The following SHANK2 variants were observed in gnomAD, a reference collection of about 807,000 sequenced individuals.
SHANK2 encodes SH3 and multiple ankyrin repeat domains 2.
Under a neutral mutation model 133.7 loss-of-function variants are expected in SHANK2, and 43 were observed. The ratio of observed to expected loss-of-function variants is 0.32; its 90% CI spans 0.25 to 0.41. The LOEUF (loss-of-function observed/expected upper bound fraction) is 0.41, where lower values mean the gene tolerates loss of function less well. Ranked by LOEUF, SHANK2 falls within the 10% of genes least tolerant of loss-of-function variation. The pLI is 1.00. For missense variants in SHANK2, 1,994 were observed against 2,235.8 expected (o/e 0.89, Z 2.18); for synonymous variants, 1,017 against 952.8 (o/e 1.07, Z -1.24).
chr11:71,178,177 T>A (rs1953482510), intron 2 of SHANK2, among the ~76,000 whole-genome samples: 1 of 152,202 alleles, frequency 6.6e-6, no homozygotes, highest in Admixed American at 6.5e-5. Context: ...GAAACAACCC[T>A]TTCACCTGTC....
chr11:70,870,484 G>A (rs76774896), intron 11 of SHANK2, among the ~76,000 whole-genome samples: 111 of 152,300 alleles, frequency 7.3e-4, no homozygotes, highest in African/African-American at 2.5e-3. Context: ...AGGAAAGATG[G>A]GGTATGTTCA....
At chr11:71,087,111 C>A (rs920195165) in intron 8 of SHANK2, among the ~76,000 whole-genome samples, 16 of 152,182 alleles carry the variant, frequency 1.1e-4, no homozygotes, top group Admixed American at 5.9e-4. Flanking sequence ...GGCCCCGGGA[C>A]CAAGGTGGCC....
rs79820417 is a variant in SHANK2 at position 70,920,387 on chromosome 11, C to T, written c.1108-23820G>A. 8.5e-3 allele frequency among the ~76,000 whole-genome samples: 1,289 copies of T among 152,158 alleles called. 18 individuals are homozygous for T. The highest frequency in any genetic ancestry group is 0.03 in the African/African-American group (1,231 of 41,504). Reference sequence around the variant, plus strand: ...GGTTTACAAGTGTGAACTGCCACACCCAGTCTATTTTAAAAAATGATTACC... The same window carrying T: ...GGTTTACAAGTGTGAACTGCCACACTCAGTCTATTTTAAAAAATGATTACC... On this transcript the variant is annotated intron_variant, in intron 10 of 25. Transcript: ENST00000601538.
At chr11:70,687,361 A>G (rs372227958) in intron 15 of SHANK2, among the ~76,000 whole-genome samples, 5 of 152,296 alleles carry the variant, frequency 3.3e-5, no homozygotes, top group East Asian at 1.9e-4. Context: ...TCAGAGCACA[A>G]GGTTGGAGCA....
At chr11:71,136,319 G>T (rs1952439001) in intron 3 of SHANK2, among the ~76,000 whole-genome samples, 1 of 152,102 alleles carries the variant, frequency 6.6e-6, no homozygotes, top group Non-Finnish European at 1.5e-5. Context: ...CCATAAAAAA[G>T]GAGAGCATGT....
rs183384971 is a variant in SHANK2 at position 71,191,938 on chromosome 11, G to A, written c.-13+32759C>T. 1.8e-3 allele frequency among the ~76,000 whole-genome samples: 275 copies of A among 152,050 alleles called. 3 individuals are homozygous for A. Among genetic ancestry groups the A allele is most frequent in the Non-Finnish European group, 2.7e-3 (184 of 67,956 alleles). ...TGCAGTGACGTGATCTCAGTTCACT[G>A]TAACCTCCGCCTCCTGTGTTCAAGT... is the stretch of plus-strand genomic sequence containing the variant. On this transcript the variant is annotated intron_variant, in intron 2 of 25. Transcript: ENST00000601538.
Position 70,869,404 on chromosome 11 carries a change from G to A in SHANK2, c.1174+27097C>T, listed in dbSNP as rs141641433. ...ATGCTTGGGATGCACCGATCGGCAC[G>A]TTATTAAACCCACTGGGACCAACAG... On this transcript the variant is annotated intron_variant, in intron 11 of 25. Transcript: ENST00000601538. 2.6e-5 allele frequency among the ~76,000 whole-genome samples: 4 copies of A among 152,338 alleles called. No individual in the cohort carries two copies. In the East Asian group the frequency reaches 5.8e-4, roughly 22 times the overall value.
intron 14 of SHANK2, among the ~76,000 whole-genome samples, chr11:70,785,322 AG>A (rs2135138631): frequency 6.6e-6 from 1 of 152,268 alleles, no homozygotes; most frequent in Admixed American, 6.5e-5. Flanking sequence ...GGGTGACCCG[AG>A]GGGGAGGGGC....
chr11:70,578,620 C>T (rs2060146518), intron 17 of SHANK2, among the ~76,000 whole-genome samples: 2 of 152,148 alleles, frequency 1.3e-5, no homozygotes, highest in Non-Finnish European at 2.9e-5. Context: ...GGCCCTGGGC[C>T]ACGTCTCACA....
intron 15 of SHANK2, among the ~76,000 whole-genome samples, chr11:70,665,943 G>A (rs962678694): frequency 2.0e-4 from 30 of 152,208 alleles, no homozygotes; most frequent in African/African-American, 6.3e-4. Flanking sequence ...GGTCAATGGG[G>A]GCAGTGACCT....
At position 70,535,899 on chromosome 11, in the gene SHANK2, G is replaced by A. The variant is rs530577851; in HGVS notation, c.2062-32968C>T. ...GCTGTGGGGGAAGCAGTGACTGGCCGGAGACCCCAGGAAAGGCACATAGCC... is the reference window on the plus strand; with the variant it reads ...GCTGTGGGGGAAGCAGTGACTGGCCAGAGACCCCAGGAAAGGCACATAGCC... On this transcript the variant is annotated intron_variant, in intron 17 of 25. Transcript: ENST00000601538. This position sits in a 1 kb window ranked among gnomAD's most constrained non-coding sequence, Gnocchi z 4.3. Among the ~76,000 whole-genome samples, 3 of 152,358 alleles carry A rather than the reference G, an allele frequency of 2.0e-5. No individual in the cohort carries two copies. The highest frequency in any genetic ancestry group is 1.9e-4 in the East Asian group (1 of 5,184).
At chr11:70,728,716 C>T (rs973206037) in intron 14 of SHANK2, among the ~76,000 whole-genome samples, 6 of 152,194 alleles carry the variant, frequency 3.9e-5, no homozygotes, top group Non-Finnish European at 5.9e-5. Context: ...ACTGTGTTAC[C>T]CCCAATTCAG....
At chr11:70,913,005 G>A (rs1555079292) in intron 10 of SHANK2, among the ~76,000 whole-genome samples, 14 of 151,472 alleles carry the variant, frequency 9.2e-5, no homozygotes, top group African/African-American at 4.9e-5. Context: ...TACAGTCTCA[G>A]GGAACTGAAC....
intron 14 of SHANK2, among the ~76,000 whole-genome samples, chr11:70,761,248 T>C (rs1946990316): frequency 1.3e-5 from 2 of 152,122 alleles, no homozygotes; most frequent in Non-Finnish European, 1.5e-5. Context: ...GCCCCTATGA[T>C]GGGATTTGTG....
At chr11:71,155,521 C>T (rs1410553350) in intron 2 of SHANK2, among the ~76,000 whole-genome samples, 1 of 152,132 alleles carries the variant, frequency 6.6e-6, no homozygotes, top group East Asian at 1.9e-4. Context: ...CCAGCCACAC[C>T]CTCAACATGG....
At position 70,492,055 on chromosome 11, in the gene SHANK2, T is replaced by C. The variant is rs2058893728; in HGVS notation, c.2439+280A>G. ...AGTGTGTCAAGGCCCCTTACTTCCATGTGCTCACGGGTCCTCAGCCAAGTA... is the reference window on the plus strand; with the variant it reads ...AGTGTGTCAAGGCCCCTTACTTCCACGTGCTCACGGGTCCTCAGCCAAGTA... On this transcript the variant is annotated intron_variant, in intron 22 of 25. Coordinates refer to ENST00000601538, the MANE Select transcript of SHANK2 (RefSeq NM_012309.5). Among the ~76,000 whole-genome samples, 6 of 152,148 alleles carry C rather than the reference T, an allele frequency of 3.9e-5. No individual in the cohort carries two copies. In the South Asian group the frequency reaches 1.2e-3, roughly 32 times the overall value.
intron 17 of SHANK2, among the ~76,000 whole-genome samples, chr11:70,601,277 T>C (rs1346391625): frequency 6.6e-6 from 1 of 151,830 alleles, no homozygotes; most frequent in Non-Finnish European, 1.5e-5. Context: ...TGGAGTGTAC[T>C]GGCACGATCT....
At chr11:70,769,234 G>A (rs543007676) in intron 14 of SHANK2, among the ~76,000 whole-genome samples, 1 of 152,276 alleles carries the variant, frequency 6.6e-6, no homozygotes, top group East Asian at 1.9e-4. Flanking sequence ...CATCATCAGG[G>A]CCCGTGCTCC....
At chr11:71,097,434 T>C (rs1362656044) in intron 6 of SHANK2, among the ~76,000 whole-genome samples, 1 of 152,224 alleles carries the variant, frequency 6.6e-6, no homozygotes, top group Non-Finnish European at 1.5e-5. Context: ...TTCTTAAGAC[T>C]ATTCCTCAGG....
Sources: allele counts gnomAD v4.1 joint callset (sites outside exome capture counted in the v4.1 genomes callset), GRCh38; gene constraint gnomAD v4.1.1; non-coding constraint Gnocchi (gnomAD v3.1); transcripts MANE v1.5; gene names NCBI Gene and HGNC (gene_info 2026-07-23, HGNC 2026-07-21).